Variants in ZNF331 observed in about 807,000 individuals in gnomAD.
ZNF331 encodes C2H2-like zinc finger protein rearranged in thyroid adenomas.
In ZNF331, 2 loss-of-function variants were observed where a neutral mutation model predicts 7.0. The ratio of observed to expected loss-of-function variants is 0.29; its 90% confidence interval spans 0.12 to 0.90. The LOEUF (loss-of-function observed/expected upper bound fraction) is 0.90. ZNF331 is among the 40% of genes least tolerant of loss of function. The pLI is 0.58. For missense variants in ZNF331, 432 were observed against 587.7 expected, an observed-to-expected ratio of 0.74 and a Z score of 2.74; for synonymous variants, 196 against 205.4, an observed-to-expected ratio of 0.95 and a Z score of 0.39.
At chr19:53,514,901 C>T (rs1384097126), upstream of ZNF331, among the ~76,000 whole-genome samples, 6 of 152,086 alleles carry the variant, frequency 3.9e-5, no homozygotes, top group South Asian at 2.1e-4. Flanking sequence ...TCACCCGCTT[C>T]GGCCTCCCAA....
chr19:53,550,494 T>C (rs935248533), intron 2 of ZNF331, among the ~76,000 whole-genome samples: 1 of 150,084 alleles, frequency 6.7e-6, no homozygotes, highest in African/African-American at 2.4e-5. Context: ...ATTCTTTGCC[T>C]CTCTTTACAG....
chr19:53,535,062 AAG>A (rs59460180), upstream of ZNF331, among the ~76,000 whole-genome samples: 10,765 of 151,406 alleles, frequency 0.071, 513 homozygotes, highest in Non-Finnish European at 0.11. Context: ...GAAGCACACA[AAG>A]AGGAAACTAA....
chr19:53,568,856 T>C (rs1192676420), intron 3 of ZNF331, among the ~76,000 whole-genome samples: 1 of 143,286 alleles, frequency 7.0e-6, no homozygotes, highest in Non-Finnish European at 1.5e-5. Flanking sequence ...ACTCTTTTTT[T>C]TTTTTTTTTT....
intron 3 of ZNF331, among the ~76,000 whole-genome samples, chr19:53,561,208 G>A (rs567108692): frequency 9.9e-5 from 15 of 151,774 alleles, no homozygotes; most frequent in African/African-American, 3.4e-4. Context: ...TCCATTCAGA[G>A]TTTCCTTAAT....
chr19:53,576,481 C>A lies in ZNF331; in HGVS notation c.137-216C>A, dbSNP rs1188185844. Among the ~76,000 whole-genome samples the A allele has an allele frequency of 2.6e-5, 4 of 152,176 alleles. No individual in the cohort carries two copies. In the East Asian group the frequency reaches 5.8e-4, roughly 22 times the overall value. Reference sequence around the variant, plus strand: ...GAAATAATAGGACTAATTGTCGGGACCTTTTTCATGTCTGACTTTAAAATA... The same window carrying A: ...GAAATAATAGGACTAATTGTCGGGAACTTTTTCATGTCTGACTTTAAAATA... On this transcript the variant is annotated intron_variant, in intron 5 of 5. Coordinates refer to ENST00000449416, the MANE Select transcript of ZNF331 (RefSeq NM_001079906.2).
upstream of ZNF331, among the ~76,000 whole-genome samples, chr19:53,516,408 C>T (rs2086904981): frequency 6.6e-6 from 1 of 150,400 alleles, no homozygotes; most frequent in African/African-American, 2.5e-5. Context: ...CGAGATGGGC[C>T]ACTGCACTCT....
At chr19:53,504,895 A>C in the ZNF331 span, among the ~76,000 whole-genome samples, 1 of 152,148 alleles carries the variant, frequency 6.6e-6, no homozygotes. Flanking sequence ...AAATTCTCTC[A>C]CCCAAACTGG....
At chr19:53,548,261 C>T (rs748449574) in intron 2 of ZNF331, among the ~76,000 whole-genome samples, 5 of 151,910 alleles carry the variant, frequency 3.3e-5, no homozygotes, top group Non-Finnish European at 7.4e-5. Flanking sequence ...GCGCGTGCCA[C>T]CACGCCCGGC....
chr19:53,522,661 A>G (rs1662174585), exon 2 of ZNF331: 1 of 152,200 alleles, frequency 6.6e-6, no homozygotes. Context: ...AAGAAGTGTT[A>G]TATGTCCTAA....
upstream of ZNF331, among the ~76,000 whole-genome samples, chr19:53,534,632 G>A (rs541742576): frequency 6.6e-6 from 1 of 152,204 alleles, no homozygotes; most frequent in Admixed American, 6.5e-5. Context: ...AGTTCTTCTT[G>A]TATCACCTCA....
upstream of ZNF331, among the ~76,000 whole-genome samples, chr19:53,520,722 G>A (rs1004953099): frequency 2.3e-4 from 35 of 152,248 alleles, no homozygotes; most frequent in African/African-American, 8.4e-4. Flanking sequence ...GTGTGCAGTT[G>A]CCTGCAGGGA....
chr19:53,555,643 G>A (rs2089344443), intron 2 of ZNF331: 1 of 152,220 alleles, frequency 6.6e-6, no homozygotes, highest in Non-Finnish European at 1.5e-5. Context: ...GGAGACGGTG[G>A]CCTCAGGAGT....
rs1386918359 is a variant in ZNF331, at chr19:53,544,540, G to A, written c.-138+5258G>A. Among the ~76,000 whole-genome samples the A allele has an allele frequency of 7.3e-5, 10 of 137,400 alleles. No individual in the cohort carries two copies. In the East Asian group the frequency reaches 1.5e-3, roughly 20 times the overall value. 90.1% of individuals were successfully genotyped at this position (137,400 alleles called of 152,430 possible). On this transcript the variant is annotated intron_variant, in intron 2 of 5. Transcript: ENST00000449416. ...AGCCTGGGCGACAGAGCAAGACTCC[G>A]TCTCAAAAAAAAAAAAAAAGAATCA...
the ZNF331 span, among the ~76,000 whole-genome samples, chr19:53,507,453 G>A: frequency 6.6e-6 from 1 of 152,078 alleles, no homozygotes; most frequent in African/African-American, 2.4e-5. Context: ...AAATGGACCG[G>A]CCCAGCAACA....
upstream of ZNF331, among the ~76,000 whole-genome samples, chr19:53,533,628 T>C (rs1173733559): frequency 1.3e-5 from 2 of 151,186 alleles, no homozygotes; most frequent in East Asian, 4.0e-4. Context: ...TGTTTGTCCC[T>C]TCAGATCTTA....
chr19:53,559,965 C>A (rs56157602), intron 3 of ZNF331, among the ~76,000 whole-genome samples: 1 of 149,720 alleles, frequency 6.7e-6, no homozygotes, highest in African/African-American at 2.5e-5. Context: ...CACATATACA[C>A]CCCGTACACA....
the ZNF331 span, chr19:53,503,927 C>T: frequency 2.2e-5 from 14 of 650,940 alleles, no homozygotes; most frequent in East Asian, 5.9e-5. Flanking sequence ...GTCGCTGACG[C>T]GGCACTGCTG....
Position 53,580,162 on chromosome 19 carries a change from TAATCC to T in ZNF331, c.*2211_*2215del, listed in dbSNP as rs2090871334. The stretch of plus-strand genomic sequence containing the variant: ...GATGGATATGTTAATTAGCTTGATT[TAATCC>T]TTCCACATTGTATACATGTATCAGA... On this transcript the variant is annotated 3_prime_UTR_variant, in exon 6 of 6. Transcript: ENST00000449416. 2 of 202,184 alleles carry T rather than the reference TAATCC, an allele frequency of 9.9e-6. No homozygotes were observed. The highest frequency in any genetic ancestry group is 2.0e-5 in the Non-Finnish European group (2 of 98,496). 12.5% of individuals were successfully genotyped at this position (202,184 alleles called of 1,614,324 possible). A position where few individuals can be genotyped will look rare whatever the true frequency, so the allele number is the denominator to read the frequency against.
At chr19:53,519,653 ACACT>A (rs1470288671), upstream of ZNF331, among the ~76,000 whole-genome samples, 1 of 152,228 alleles carries the variant, frequency 6.6e-6, no homozygotes, top group African/African-American at 2.4e-5. Context: ...TACCAAGGTA[ACACT>A]CACAGAGACA....
Sources: allele counts gnomAD v4.1 joint callset (sites outside exome capture counted in the v4.1 genomes callset), GRCh38; gene constraint gnomAD v4.1.1; transcripts MANE v1.5; gene names NCBI Gene and HGNC (gene_info 2026-07-23, HGNC 2026-07-21).